Variants in GRIK2 observed in about 807,000 individuals in gnomAD.
The protein encoded by GRIK2 is glutamate receptor ionotropic, kainate 2.
GRIK2 carries 32 observed loss-of-function variants against 100.3 expected under a neutral mutation model. The ratio of observed to expected loss-of-function variants is 0.32; its 90% CI spans 0.24 to 0.43. GRIK2 has a LOEUF of 0.43. Among genes scored for constraint, GRIK2 ranks in the 20% least tolerant of loss-of-function variants. GRIK2 has a pLI of 1.00. For synonymous variants in GRIK2, 417 were observed against 389.4 expected (o/e 1.07, Z -0.83); for missense variants, 843 against 1,114.9 (o/e 0.76, Z 3.47).
At chr6:101,566,997 T>C (rs1412770783) in intron 2 of GRIK2, among the ~76,000 whole-genome samples, 2 of 151,022 alleles carry the variant, frequency 1.3e-5, no homozygotes, top group African/African-American at 4.8e-5. Flanking sequence ...AAAATATATA[T>C]CTATTAAATA....
At position 101,924,522 on chromosome 6, in the gene GRIK2, C is replaced by A. The variant is rs1789761493; in HGVS notation, c.1749-79C>A. 9 of 776,834 alleles carry A rather than the reference C, an allele frequency of 1.2e-5. No individual in the cohort carries two copies. In the South Asian group the frequency reaches 1.2e-4, roughly 11 times the overall value. 48.1% of individuals were successfully genotyped at this position (776,834 alleles called of 1,614,324 possible). A position where few individuals can be genotyped will look rare whatever the true frequency, so the allele number is the denominator to read the frequency against. ...CTTAAACTTATCTGTCTTTTTGTTT[C>A]TTTTGCAGCAAAAAATGCTGGATAG... On this transcript the variant is annotated intron_variant, in intron 12 of 16. Transcript: ENST00000369134.
intron 15 of GRIK2, among the ~76,000 whole-genome samples, chr6:102,050,040 C>G (rs552626380): frequency 6.6e-6 from 1 of 151,972 alleles, no homozygotes; most frequent in East Asian, 1.9e-4. Flanking sequence ...ACTGCATTTA[C>G]TTTATTAGTC....
chr6:101,400,412 G>A (rs1286577550), intron 2 of GRIK2, among the ~76,000 whole-genome samples: 2 of 152,164 alleles, frequency 1.3e-5, no homozygotes, highest in South Asian at 4.1e-4. Flanking sequence ...AGCAGAACTA[G>A]TCAGGGAAAG....
intron 2 of GRIK2, among the ~76,000 whole-genome samples, chr6:101,472,442 A>G (rs983838313): frequency 1.3e-5 from 2 of 151,846 alleles, no homozygotes; most frequent in Non-Finnish European, 3.0e-5. Context: ...GAGACACATC[A>G]TAGATTTCCC....
At chr6:101,781,504 A>G (rs1025458851) in intron 7 of GRIK2, among the ~76,000 whole-genome samples, 2 of 152,192 alleles carry the variant, frequency 1.3e-5, no homozygotes, top group Admixed American at 1.3e-4. Flanking sequence ...TCTATTCACC[A>G]GTCACCATAA....
chr6:101,879,352 G>T lies in GRIK2; in HGVS notation c.1525-10288G>T, dbSNP rs367771903. Among the ~76,000 whole-genome samples the T allele has an allele frequency of 8.4e-4, 128 of 152,020 alleles. 2 individuals are homozygous for T. In the South Asian group the frequency reaches 0.026, roughly 30 times the overall value. On this transcript the variant is annotated intron_variant, in intron 11 of 16. Coordinates refer to ENST00000369134, the MANE Select transcript of GRIK2 (RefSeq NM_021956.5). ...ATGCTTCTTTGAGGCTCATTTCTCT[G>T]GATATACCATTCCTTTCATTCTTAT...
intron 10 of GRIK2, among the ~76,000 whole-genome samples, chr6:101,827,852 A>G (rs1782438459): frequency 1.3e-5 from 2 of 151,996 alleles, no homozygotes; most frequent in Admixed American, 6.6e-5. Flanking sequence ...TCAACACACC[A>G]CTGACAGAAT....
intron 12 of GRIK2, among the ~76,000 whole-genome samples, chr6:101,910,839 C>CACACACACACACA (rs1554284826): frequency 0.021 from 3,026 of 143,334 alleles, 125 homozygotes; most frequent in African/African-American, 0.075. Flanking sequence ...CCAACATACA[C>CACACACACACACA]CACACACACA....
intron 7 of GRIK2, among the ~76,000 whole-genome samples, chr6:101,707,152 A>G (rs952521482): frequency 6.6e-6 from 1 of 151,802 alleles, no homozygotes; most frequent in Non-Finnish European, 1.5e-5. Flanking sequence ...CAAAACATAT[A>G]TCCTGATTGT....
At chr6:101,963,758 A>G (rs1461410618) in intron 14 of GRIK2, among the ~76,000 whole-genome samples, 1 of 151,686 alleles carries the variant, frequency 6.6e-6, no homozygotes, top group African/African-American at 2.4e-5. Context: ...TCCAAACCCA[A>G]CCATACATCA....
At chr6:101,564,603 A>C (rs922396607) in intron 2 of GRIK2, among the ~76,000 whole-genome samples, 1 of 152,104 alleles carries the variant, frequency 6.6e-6, no homozygotes. Flanking sequence ...AGTTGACCAA[A>C]CTGTCATCTC....
At chr6:101,506,840 T>C (rs892166241) in intron 2 of GRIK2, among the ~76,000 whole-genome samples, 3 of 152,144 alleles carry the variant, frequency 2.0e-5, no homozygotes, top group Non-Finnish European at 4.4e-5. Flanking sequence ...TTTTAGGGTT[T>C]TATATCAACT....
chr6:101,403,863 G>A (rs2128236351), intron 2 of GRIK2, among the ~76,000 whole-genome samples: 2 of 152,184 alleles, frequency 1.3e-5, no homozygotes, highest in Admixed American at 1.3e-4. Flanking sequence ...GAATGCAAGG[G>A]AGAGAAATCA....
At chr6:101,789,140 C>T (rs1351418831) in intron 7 of GRIK2, among the ~76,000 whole-genome samples, 1 of 151,988 alleles carries the variant, frequency 6.6e-6, no homozygotes, top group Non-Finnish European at 1.5e-5. Context: ...CGAAAATTTT[C>T]TCCCATTTTG....
intron 5 of GRIK2, among the ~76,000 whole-genome samples, chr6:101,680,537 G>A (rs1435598615): frequency 1.3e-5 from 2 of 151,992 alleles, no homozygotes; most frequent in Admixed American, 1.3e-4. Flanking sequence ...TGACTTCTAG[G>A]GTTTTTATGA....
At chr6:101,401,859 C>T (rs984525318) in intron 2 of GRIK2, among the ~76,000 whole-genome samples, 2 of 152,150 alleles carry the variant, frequency 1.3e-5, no homozygotes, top group African/African-American at 4.8e-5. Flanking sequence ...CGCAGCTGCC[C>T]CAGTGGTGGA....
intron 2 of GRIK2, among the ~76,000 whole-genome samples, chr6:101,598,624 A>C (rs1582799706): frequency 6.8e-6 from 1 of 146,406 alleles, no homozygotes; most frequent in East Asian, 2.0e-4. Flanking sequence ...AAGAAAAAAA[A>C]TTTAAAAAAA....
intron 12 of GRIK2, among the ~76,000 whole-genome samples, chr6:101,893,468 TATA>T (rs1787237247): frequency 6.6e-6 from 1 of 151,784 alleles, no homozygotes. Context: ...AAAACTAAAT[TATA>T]ATGAGTGATT....
intron 7 of GRIK2, among the ~76,000 whole-genome samples, chr6:101,697,339 ACGTGTGTGTGTGTGTG>A: frequency 7.4e-6 from 1 of 135,630 alleles, no homozygotes; most frequent in Non-Finnish European, 1.5e-5. Context: ...CTTAGGGTGT[ACGTGTGTGTGTGTGTG>A]TGTGTGTGTG....
Sources: allele counts gnomAD v4.1 joint callset (sites outside exome capture counted in the v4.1 genomes callset), GRCh38; gene constraint gnomAD v4.1.1; transcripts MANE v1.5; gene names NCBI Gene and HGNC (gene_info 2026-07-23, HGNC 2026-07-21).